The following RARS2 variants were observed in gnomAD, a reference collection of about 807,000 sequenced individuals.
RARS2 encodes arginyl-tRNA synthetase 2, mitochondrial.
In RARS2, 67 loss-of-function variants were observed where a neutral mutation model predicts 88.5. That is an observed-to-expected ratio of 0.76 (90% CI 0.62 to 0.93). The LOEUF is 0.93. RARS2 is among the 40% of genes least tolerant of loss of function. RARS2 has a pLI of 0.00. For synonymous variants in RARS2, 239 were observed against 230.3 expected, an observed-to-expected ratio of 1.04 and a Z score of -0.34; for missense variants, 664 against 684.2, an observed-to-expected ratio of 0.97 and a Z score of 0.33.
At chr6:87,587,160 T>C (rs1225977873) in intron 1 of RARS2, among the ~76,000 whole-genome samples, 2 of 152,142 alleles carry the variant, frequency 1.3e-5, no homozygotes, top group African/African-American at 2.4e-5. Flanking sequence ...GCTGGGGTTA[T>C]AGGCATGAGC....
At chr6:87,547,989 C>T (rs1257759169) in intron 6 of RARS2, among the ~76,000 whole-genome samples, 1 of 152,142 alleles carries the variant, frequency 6.6e-6, no homozygotes, top group Non-Finnish European at 1.5e-5. Context: ...ACTAAGTGCT[C>T]ACATGACCGA....
At position 87,589,629 on chromosome 6, in the gene RARS2, A is replaced by C. The variant is rs549090798; in HGVS notation, c.36+293T>G. On this transcript the variant is annotated intron_variant, in intron 1 of 19. Transcript: ENST00000369536. Reference sequence around the variant, plus strand: ...CTTCTATGGGGTCTAATCATGGTCTAATGACTTGCCGCCACCCAGGTAAAG... The same window carrying C: ...CTTCTATGGGGTCTAATCATGGTCTCATGACTTGCCGCCACCCAGGTAAAG... 1.2e-5 allele frequency: 12 copies of C among 972,574 alleles called. No homozygotes were observed. In the South Asian group the frequency reaches 5.7e-4, roughly 46 times the overall value. The allele number at this position is 972,574 out of a possible 1,614,324, so 60.2% of individuals were successfully genotyped here.
At chr6:87,553,846 T>A (rs1488690890) in intron 5 of RARS2, among the ~76,000 whole-genome samples, 6 of 152,174 alleles carry the variant, frequency 3.9e-5, no homozygotes, top group Admixed American at 3.9e-4. Flanking sequence ...TTAGAGTCAT[T>A]CATAATATGT....
At chr6:87,552,114 A>G (rs1784530974) in intron 5 of RARS2, among the ~76,000 whole-genome samples, 1 of 152,216 alleles carries the variant, frequency 6.6e-6, no homozygotes, top group Non-Finnish European at 1.5e-5. Flanking sequence ...TTCAGAATCA[A>G]GAGTTAGCTC....
intron 11 of RARS2, among the ~76,000 whole-genome samples, chr6:87,522,404 G>A (rs1290510938): frequency 2.1e-5 from 3 of 145,206 alleles, no homozygotes; most frequent in African/African-American, 7.7e-5. Context: ...TCTCTGATTA[G>A]ATACAAATAT....
intron 2 of RARS2, among the ~76,000 whole-genome samples, chr6:87,568,444 G>A (rs1045498611): frequency 2.0e-5 from 3 of 151,122 alleles, no homozygotes; most frequent in South Asian, 2.1e-4. Flanking sequence ...AGGCAGCAGT[G>A]AGCCGAGATC....
At chr6:87,561,810 G>GAA (rs1398852971) in intron 4 of RARS2, among the ~76,000 whole-genome samples, 13 of 152,186 alleles carry the variant, frequency 8.5e-5, no homozygotes, top group African/African-American at 3.1e-4. Flanking sequence ...TCCCATGTGA[G>GAA]AAAGAGTAGT....
At chr6:87,537,343 G>T (rs1458062661) in intron 8 of RARS2, among the ~76,000 whole-genome samples, 1 of 152,204 alleles carries the variant, frequency 6.6e-6, no homozygotes, top group Non-Finnish European at 1.5e-5. Context: ...TATAGTGGGG[G>T]TGTGGGGACA....
chr6:87,586,969 C>T (rs980396612), intron 1 of RARS2, among the ~76,000 whole-genome samples: 13 of 151,926 alleles, frequency 8.6e-5, no homozygotes, highest in Non-Finnish European at 1.6e-4. Flanking sequence ...AGTTCAGTGG[C>T]ACAATCTTGG....
At chr6:87,572,177 A>G (rs1582797666) in intron 1 of RARS2, among the ~76,000 whole-genome samples, 1 of 152,200 alleles carries the variant, frequency 6.6e-6, no homozygotes, top group East Asian at 1.9e-4. Flanking sequence ...GTAATTTTAC[A>G]TGAATGAGCT....
intron 13 of RARS2, 107 bp from the exon 14 acceptor site, chr6:87,519,814 T>C: frequency 7.6e-7 from 1 of 1,322,456 alleles, no homozygotes; most frequent in Non-Finnish European, 1.1e-6. Context: ...AGAGCAGAGT[T>C]TTTAAAAATT....
At chr6:87,520,141 T>C (rs1373845837) in intron 13 of RARS2, 39 bp downstream of exon 13, 2 of 1,540,194 alleles carry the variant, frequency 1.3e-6, no homozygotes, top group East Asian at 2.2e-5. Flanking sequence ...CAGGCTCAGC[T>C]GACCCTGCAC....
chr6:87,577,592 CA>C (rs1176732986), intron 1 of RARS2, among the ~76,000 whole-genome samples: 1 of 152,082 alleles, frequency 6.6e-6, no homozygotes, highest in African/African-American at 2.4e-5. Context: ...TAAATACAGC[CA>C]ATTAAGCCAT....
At chr6:87,541,781 AC>A in intron 8 of RARS2, 136 bp downstream of exon 8, 53 of 634,476 alleles carry the variant, frequency 8.4e-5, no homozygotes, top group Non-Finnish European at 1.4e-4. Context: ...CTGAGATTGC[AC>A]CACTGCACTC....
At chr6:87,516,645 T>G (rs1282583642) in intron 18 of RARS2, among the ~76,000 whole-genome samples, 161 bp downstream of exon 18, 2 of 152,200 alleles carry the variant, frequency 1.3e-5, no homozygotes, top group African/African-American at 2.4e-5. Flanking sequence ...ACTGAATGAA[T>G]GAAGGAACAT....
intron 14 of RARS2, chr6:87,519,310 A>AAAGGG (rs200345337): frequency 2.5e-6 from 1 of 399,406 alleles, no homozygotes; most frequent in Admixed American, 3.8e-5. Context: ...ATAACATAGA[A>AAAGGG]ACTTCACGTA....
chr6:87,528,030 A>T (rs1308468074), intron 10 of RARS2, among the ~76,000 whole-genome samples: 2 of 151,244 alleles, frequency 1.3e-5, no homozygotes, highest in Non-Finnish European at 2.9e-5. Context: ...CTACGTAACA[A>T]ATCTGCACAT....
At chr6:87,526,780 C>T (rs1775877503) in intron 10 of RARS2, among the ~76,000 whole-genome samples, 1 of 151,228 alleles carries the variant, frequency 6.6e-6, no homozygotes, top group Admixed American at 6.6e-5. Context: ...AAGTGATTCT[C>T]CTGCCTGAGC....
chr6:87,586,870 C>G (rs1233425402), intron 1 of RARS2, among the ~76,000 whole-genome samples: 1 of 149,218 alleles, frequency 6.7e-6, no homozygotes, highest in African/African-American at 2.5e-5. Flanking sequence ...AACTGAAAAT[C>G]TGTGGGGTTG....
Sources: gnomAD v4.1 joint callset for allele counts (sites outside exome capture counted in the v4.1 genomes callset) on GRCh38, gnomAD v4.1.1 for gene constraint, MANE v1.5 for transcripts, NCBI Gene and HGNC (gene_info 2026-07-23, HGNC 2026-07-21) for gene names.